Variants in CLIC5 observed in about 807,000 individuals in gnomAD.
CLIC5 encodes the protein chloride intracellular channel protein 5.
CLIC5 carries 20 observed loss-of-function variants against 24.7 expected under a neutral mutation model. That is an observed-to-expected ratio of 0.81 (90% CI 0.57 to 1.18). CLIC5 has a LOEUF of 1.18. Among genes scored for constraint, CLIC5 ranks in the 50% most tolerant of loss-of-function variants. The pLI, the probability that CLIC5 is intolerant of heterozygous loss-of-function variation, is 0.00. For synonymous variants in CLIC5, 159 were observed against 135.6 expected (o/e 1.17, Z -1.20); for missense variants, 341 against 326.1 (o/e 1.05, Z -0.35).
intron 5 of CLIC5, among the ~76,000 whole-genome samples, chr6:45,906,688 G>A (rs935680625): frequency 2.6e-5 from 4 of 151,750 alleles, no homozygotes; most frequent in Non-Finnish European, 5.9e-5. Flanking sequence ...TCAACCTCCT[G>A]AGTAGCTGGG....
At chr6:46,078,932 T>G (rs1462137331) in intron 1 of CLIC5, among the ~76,000 whole-genome samples, 3 of 152,114 alleles carry the variant, frequency 2.0e-5, no homozygotes, top group Non-Finnish European at 4.4e-5. Context: ...AGAGCAGCAT[T>G]TACAAATATA....
At chr6:45,907,614 T>C (rs1443784856) in intron 5 of CLIC5, among the ~76,000 whole-genome samples, 1 of 152,162 alleles carries the variant, frequency 6.6e-6, no homozygotes, top group East Asian at 1.9e-4. Context: ...GTTCTTCTTT[T>C]TATGTCAGGT....
At chr6:46,090,646 AT>A in the CLIC5 span, among the ~76,000 whole-genome samples, 2 of 152,224 alleles carry the variant, frequency 1.3e-5, no homozygotes, top group Admixed American at 1.3e-4. Context: ...ATGTGTATAC[AT>A]TGTGGAATAG....
intron 1 of CLIC5, among the ~76,000 whole-genome samples, chr6:46,032,755 G>A (rs9472673): frequency 0.078 from 11,803 of 152,128 alleles, 552 homozygotes; most frequent in Middle Eastern, 0.12. Flanking sequence ...TGCCAAAGCC[G>A]AGAGGAACTT....
chr6:46,015,370 C>T (rs1766962880), intron 1 of CLIC5, 110 bp downstream of exon 1: 5 of 1,146,632 alleles, frequency 4.4e-6, no homozygotes, highest in Admixed American at 3.5e-5. Flanking sequence ...GAGCACAGGG[C>T]TCCGCGCCGC....
intron 1 of CLIC5, among the ~76,000 whole-genome samples, chr6:46,066,425 C>T (rs1424240274): frequency 6.6e-6 from 1 of 152,134 alleles, no homozygotes; most frequent in East Asian, 1.9e-4. Context: ...CCACTCTACC[C>T]TAAAGTCAAA....
chr6:45,884,421 A>C (rs1300317054), intron 6 of CLIC5, among the ~76,000 whole-genome samples: 1 of 152,218 alleles, frequency 6.6e-6, no homozygotes, highest in African/African-American at 2.4e-5. Context: ...CTGCATGCTG[A>C]CACCAGCATC....
At chr6:45,988,675 G>T (rs114528105) in intron 1 of CLIC5, among the ~76,000 whole-genome samples, 1 of 152,184 alleles carries the variant, frequency 6.6e-6, no homozygotes, top group East Asian at 1.9e-4. Context: ...TGCCTTCAAA[G>T]GTTAAGTTTA....
At chr6:45,982,369 AT>A (rs1361164187) in intron 1 of CLIC5, among the ~76,000 whole-genome samples, 1 of 151,988 alleles carries the variant, frequency 6.6e-6, no homozygotes, top group Non-Finnish European at 1.5e-5. Context: ...GATATTATAA[AT>A]TTTTTTATAC....
chr6:45,892,230 T>C (rs1762353458), intron 6 of CLIC5: 1 of 151,820 alleles, frequency 6.6e-6, no homozygotes, highest in African/African-American at 2.4e-5. Context: ...CCTCATACTA[T>C]ATCTGTAAAT....
the CLIC5 span, among the ~76,000 whole-genome samples, chr6:46,119,936 A>G: frequency 6.6e-6 from 1 of 152,336 alleles, no homozygotes; most frequent in South Asian, 2.1e-4. Flanking sequence ...GCAGCCAGGA[A>G]GCTGGAACTG....
At chr6:46,059,004 C>T (rs533152943) in intron 1 of CLIC5, among the ~76,000 whole-genome samples, 32 of 152,286 alleles carry the variant, frequency 2.1e-4, no homozygotes, top group Non-Finnish European at 4.6e-4. Flanking sequence ...GGGGTTTTTT[C>T]TAGAACAATC....
At chr6:45,985,143 C>A (rs1446539221) in intron 1 of CLIC5, among the ~76,000 whole-genome samples, 1 of 152,138 alleles carries the variant, frequency 6.6e-6, no homozygotes, top group East Asian at 1.9e-4. Context: ...AAGGAACATC[C>A]ACATAGAGAG....
chr6:45,948,306 C>T (rs944080530), intron 3 of CLIC5, among the ~76,000 whole-genome samples: 1 of 152,176 alleles, frequency 6.6e-6, no homozygotes, highest in Non-Finnish European at 1.5e-5. Context: ...ATTTTCCTGC[C>T]CTGTCTTGGC....
intron 6 of CLIC5, among the ~76,000 whole-genome samples, chr6:45,891,977 A>G (rs1424964847): frequency 6.6e-6 from 1 of 152,214 alleles, no homozygotes; most frequent in Non-Finnish European, 1.5e-5. Context: ...AGCAATTTTT[A>G]TTTTTAATTT....
At chr6:45,890,260 G>A (rs936243337) in intron 6 of CLIC5, among the ~76,000 whole-genome samples, 1 of 151,490 alleles carries the variant, frequency 6.6e-6, no homozygotes, top group Non-Finnish European at 1.5e-5. Context: ...GTCTATTTTC[G>A]CTTTCATTTC....
chr6:45,995,015 G>A (rs551484993), intron 1 of CLIC5, among the ~76,000 whole-genome samples: 1 of 152,112 alleles, frequency 6.6e-6, no homozygotes, highest in Non-Finnish European at 1.5e-5. Flanking sequence ...TAGTGTCCAG[G>A]AAAAGGGATG....
At chr6:46,076,762 A>G (rs1762782056) in intron 1 of CLIC5, among the ~76,000 whole-genome samples, 2 of 152,208 alleles carry the variant, frequency 1.3e-5, no homozygotes, top group South Asian at 4.1e-4. Context: ...ATCCTGTTTT[A>G]TAGCATTTTC....
At chr6:45,979,098 G>A (rs760877144) in intron 1 of CLIC5, among the ~76,000 whole-genome samples, 4 of 152,104 alleles carry the variant, frequency 2.6e-5, no homozygotes, top group Non-Finnish European at 5.9e-5. Flanking sequence ...TGGAGCCCTG[G>A]TTCCATTATT....
Sources: allele counts gnomAD v4.1 joint callset (sites outside exome capture counted in the v4.1 genomes callset), GRCh38; gene constraint gnomAD v4.1.1; transcripts MANE v1.5; gene names NCBI Gene and HGNC (gene_info 2026-07-23, HGNC 2026-07-21).